The following MME variants were observed in gnomAD, a reference collection of about 807,000 sequenced individuals.
The protein encoded by MME is membrane metalloendopeptidase, also known as neprilysin.
In MME, 98 loss-of-function variants were observed where a neutral mutation model predicts 113.2. That is an observed-to-expected ratio of 0.87 (90% confidence interval 0.74 to 1.02). The LOEUF (loss-of-function observed/expected upper bound fraction) is 1.02. Among genes scored for constraint, MME ranks in the 50% least tolerant of loss-of-function variants. The pLI is 0.00. For missense variants in MME, 836 were observed against 896.0 expected (o/e 0.93, Z 0.86); for synonymous variants, 292 against 300.6 (o/e 0.97, Z 0.30).
At chr3:155,164,455 A>T (rs61760382) in intron 17 of MME, among the ~76,000 whole-genome samples, 1 of 152,132 alleles carries the variant, frequency 6.6e-6, no homozygotes, top group Non-Finnish European at 1.5e-5. Context: ...AGTGGGGAAA[A>T]TCCTCCTTAC....
chr3:155,126,602 G>C (rs1203195916), intron 8 of MME, among the ~76,000 whole-genome samples: 1 of 151,878 alleles, frequency 6.6e-6, no homozygotes, highest in Non-Finnish European at 1.5e-5. Flanking sequence ...GATTTCATTT[G>C]AGAATCCAGA....
intron 1 of MME, among the ~76,000 whole-genome samples, chr3:155,056,070 A>G (rs1447385665): frequency 6.6e-6 from 1 of 152,058 alleles, no homozygotes; most frequent in Non-Finnish European, 1.5e-5. Context: ...TTTTTTAACT[A>G]CAAATTGTTG....
intron 1 of MME, chr3:155,081,333 A>G (rs950845144): frequency 2.0e-5 from 3 of 152,224 alleles, no homozygotes; most frequent in African/African-American, 7.2e-5. Context: ...CTGATATAGT[A>G]ATGCTTATGC....
intron 3 of MME, among the ~76,000 whole-genome samples, chr3:155,097,491 A>T (rs1453857087): frequency 6.6e-6 from 1 of 152,200 alleles, no homozygotes; most frequent in Non-Finnish European, 1.5e-5. Context: ...GAGTAGGCTA[A>T]ATGTTGAAAG....
intron 1 of MME, among the ~76,000 whole-genome samples, chr3:155,041,668 C>T (rs1011986064): frequency 6.6e-6 from 1 of 152,046 alleles, no homozygotes; most frequent in African/African-American, 2.4e-5. Context: ...TGGAAGTTGT[C>T]GTAAAACTCC....
chr3:155,103,114 C>G (rs1445801338), intron 3 of MME, among the ~76,000 whole-genome samples: 1 of 152,216 alleles, frequency 6.6e-6, no homozygotes, highest in African/African-American at 2.4e-5. Flanking sequence ...ACCTATAACT[C>G]ATATCCCACT....
intron 8 of MME, among the ~76,000 whole-genome samples, chr3:155,125,166 G>T (rs1252666962): frequency 6.7e-6 from 1 of 148,358 alleles, no homozygotes; most frequent in Non-Finnish European, 1.5e-5. Context: ...ATTCGGGTGG[G>T]AGTGACCCGA....
At chr3:155,167,489 A>G (rs577869343) in intron 18 of MME, among the ~76,000 whole-genome samples, 3 of 152,076 alleles carry the variant, frequency 2.0e-5, no homozygotes, top group African/African-American at 7.2e-5. Flanking sequence ...AGTCTTTGCA[A>G]ACAGTTAGGC....
At chr3:155,153,034 T>A (rs1201407840) in intron 16 of MME, among the ~76,000 whole-genome samples, 2 of 151,484 alleles carry the variant, frequency 1.3e-5, no homozygotes, top group Non-Finnish European at 2.9e-5. Context: ...AGGACAGGGA[T>A]TTACTTTTTT....
chr3:155,065,401 T>C (rs550484873), intron 1 of MME, among the ~76,000 whole-genome samples: 1 of 152,266 alleles, frequency 6.6e-6, no homozygotes, highest in East Asian at 1.9e-4. Flanking sequence ...AAAATATTTA[T>C]GAAATAAAAT....
At chr3:155,089,230 C>T (rs995682427) in intron 3 of MME, among the ~76,000 whole-genome samples, 1 of 152,102 alleles carries the variant, frequency 6.6e-6, no homozygotes, top group African/African-American at 2.4e-5. Flanking sequence ...CTTATTTACC[C>T]TATAAGGTCA....
intron 1 of MME, among the ~76,000 whole-genome samples, chr3:155,038,090 T>A (rs905279782): frequency 2.0e-5 from 3 of 152,152 alleles, no homozygotes; most frequent in African/African-American, 7.2e-5. Flanking sequence ...ACACGTAGTT[T>A]GCTACCTAGT....
At chr3:155,138,505 G>T (rs960060877) in intron 9 of MME, among the ~76,000 whole-genome samples, 9 of 152,136 alleles carry the variant, frequency 5.9e-5, no homozygotes, top group African/African-American at 2.2e-4. Flanking sequence ...GATTCCATCA[G>T]AATTCTACCA....
intron 15 of MME, among the ~76,000 whole-genome samples, chr3:155,147,783 A>G (rs1395690787): frequency 6.6e-6 from 1 of 152,194 alleles, no homozygotes; most frequent in South Asian, 2.1e-4. Context: ...CAGTCACCAC[A>G]ACTACATGAT....
intron 1 of MME, among the ~76,000 whole-genome samples, chr3:155,044,622 C>T (rs952604894): frequency 2.0e-5 from 3 of 152,010 alleles, no homozygotes; most frequent in East Asian, 1.9e-4. Flanking sequence ...CGGGTTCAAG[C>T]GATTCTCCTG....
intron 22 of MME, among the ~76,000 whole-genome samples, chr3:155,179,758 A>T (rs1439475529): frequency 6.6e-6 from 1 of 152,228 alleles, no homozygotes; most frequent in African/African-American, 2.4e-5. Context: ...GTCAGAGATA[A>T]GAGGAAAATG....
At chr3:155,056,281 A>G (rs1713924329) in intron 1 of MME, among the ~76,000 whole-genome samples, 1 of 149,494 alleles carries the variant, frequency 6.7e-6, no homozygotes, top group African/African-American at 2.5e-5. Flanking sequence ...GCACCCATTA[A>G]CTCGTCATTT....
chr3:155,060,726 A>T (rs541423200), intron 1 of MME, among the ~76,000 whole-genome samples: 13 of 150,738 alleles, frequency 8.6e-5, no homozygotes, highest in African/African-American at 3.2e-4. Context: ...TGGAGGGTGG[A>T]AGTCTGTAAT....
chr3:155,134,053 G>A (rs1171853549), intron 8 of MME, among the ~76,000 whole-genome samples: 1 of 151,770 alleles, frequency 6.6e-6, no homozygotes, highest in Non-Finnish European at 1.5e-5. Flanking sequence ...ACCTTAAATA[G>A]AAAAAAATTG....
Sources: allele counts gnomAD v4.1 joint callset (sites outside exome capture counted in the v4.1 genomes callset), GRCh38; gene constraint gnomAD v4.1.1; transcripts MANE v1.5; gene names NCBI Gene and HGNC (gene_info 2026-07-23, HGNC 2026-07-21).